AATF: variants seen among roughly 807,000 people sequenced by gnomAD.
AATF encodes the protein apoptosis antagonizing transcription factor, also known as protein AATF.
Under a neutral mutation model 63.7 loss-of-function variants are expected in AATF, and 48 were observed. That is an observed-to-expected ratio of 0.75 (90% CI 0.60 to 0.96). The LOEUF is 0.96. AATF is among the 40% of genes least tolerant of loss of function. The pLI is 0.00. For synonymous variants in AATF, 258 were observed against 247.7 expected, an observed-to-expected ratio of 1.04 and a Z score of -0.39; for missense variants, 639 against 685.7, an observed-to-expected ratio of 0.93 and a Z score of 0.76.
intron 5 of AATF, among the ~76,000 whole-genome samples, chr17:36,987,654 C>A (rs895210583): frequency 6.6e-6 from 1 of 152,182 alleles, no homozygotes; most frequent in African/African-American, 2.4e-5. Context: ...GTGCAACTGG[C>A]AGATAGTTGG....
At chr17:36,951,055 T>C (rs1348666704) in intron 2 of AATF, among the ~76,000 whole-genome samples, 2 of 152,240 alleles carry the variant, frequency 1.3e-5, no homozygotes, top group Admixed American at 6.5e-5. Context: ...CACATAATCC[T>C]TCTCTTCCCT....
At chr17:36,981,451 T>TC (rs2071122921) in intron 4 of AATF, among the ~76,000 whole-genome samples, 1 of 147,822 alleles carries the variant, frequency 6.8e-6, no homozygotes, top group African/African-American at 2.5e-5. Flanking sequence ...TTTTCTTTCT[T>TC]TTTTTTTTTT....
chr17:36,992,662 A>G (rs1308493156), intron 8 of AATF, among the ~76,000 whole-genome samples: 2 of 148,982 alleles, frequency 1.3e-5, no homozygotes, highest in Non-Finnish European at 3.0e-5. Context: ...AAGAAATAGC[A>G]TTACTTGATT....
intron 11 of AATF, among the ~76,000 whole-genome samples, chr17:37,053,797 C>T (rs1019576649): frequency 3.3e-5 from 5 of 152,004 alleles, no homozygotes; most frequent in African/African-American, 1.2e-4. Flanking sequence ...ACCCGGGAGG[C>T]GGAGGTTGCA....
In AATF at chr17:36,973,938, G is replaced by A. The variant is rs968791907; in HGVS notation, c.833-12679G>A. On this transcript the variant is annotated intron_variant, in intron 4 of 11. Transcript: ENST00000619387. ...ATACAGAAATTAGCTGGGCGTGGTGGCATACGCCTGTAATCCCTGCCTCGG... is the reference window on the plus strand; with the variant it reads ...ATACAGAAATTAGCTGGGCGTGGTGACATACGCCTGTAATCCCTGCCTCGG... Among the ~76,000 whole-genome samples, 73 of 152,108 alleles carry A rather than the reference G, an allele frequency of 4.8e-4. 2 individuals carry two copies. The highest frequency in any genetic ancestry group is 1.2e-4 in the Non-Finnish European group (8 of 68,022).
At chr17:37,017,232 A>C (rs1221040508) in intron 8 of AATF, among the ~76,000 whole-genome samples, 1 of 152,206 alleles carries the variant, frequency 6.6e-6, no homozygotes, top group Non-Finnish European at 1.5e-5. Context: ...CGGTTGTTGT[A>C]ATCTTTTGTA....
intron 8 of AATF, among the ~76,000 whole-genome samples, chr17:37,001,852 A>C (rs548544387): frequency 3.7e-4 from 57 of 152,220 alleles, no homozygotes; most frequent in Non-Finnish European, 7.3e-4. Context: ...AAGACATCCA[A>C]ATTGGAAAGG....
intron 10 of AATF, among the ~76,000 whole-genome samples, chr17:37,030,847 C>T (rs1346136559): frequency 2.6e-5 from 4 of 152,026 alleles, no homozygotes; most frequent in Non-Finnish European, 5.9e-5. Context: ...TGTGCTGCTG[C>T]CAGTAGATGG....
chr17:37,025,382 G>GTACGGTGTGACAAGAA (rs1333962438), intron 10 of AATF, among the ~76,000 whole-genome samples: 1 of 152,132 alleles, frequency 6.6e-6, no homozygotes, highest in Admixed American at 6.6e-5. Context: ...CCCAGGGAGG[G>GTACGGTGTGACAAGAA]TACGGTGTGA....
In AATF at chr17:36,988,635, G is replaced by A. The variant is rs142695431; in HGVS notation, c.1064G>A (p.Arg355His). The A allele has an allele frequency of 1.9e-5, 31 of 1,614,048 alleles. No individual in the cohort carries two copies. The highest frequency in any genetic ancestry group is 2.2e-5 in the East Asian group (1 of 44,894). The change falls in exon 6 of 12, where the codon CGC becomes CAC. Residue 355 changes from arginine (R) to histidine (H), a missense_variant. Physicochemically the swap from Arg to His is conservative, Grantham distance 29. Coordinates refer to ENST00000619387, the MANE Select transcript of AATF (RefSeq NM_012138.4). ...GACTATCCCAGCTTCATGGCAAAGC[G>A]CTTTGCCGACTTTACAGTCTACAGG... ...MEDYPSFMAK[R>H]FADFTVYRNR...
chr17:36,951,111 A>G (rs1266017625), intron 2 of AATF, among the ~76,000 whole-genome samples: 3 of 152,240 alleles, frequency 2.0e-5, no homozygotes, highest in Admixed American at 6.5e-5. Flanking sequence ...AAAGAATTGT[A>G]AATTTCTCAG....
intron 8 of AATF, among the ~76,000 whole-genome samples, chr17:37,010,155 C>A (rs2071379155): frequency 1.3e-5 from 2 of 152,062 alleles, no homozygotes; most frequent in Non-Finnish European, 2.9e-5. Context: ...TATTTTCTCT[C>A]AGAAATAATT....
chr17:37,054,766 T>G (rs1207368564), intron 11 of AATF: 1 of 152,240 alleles, frequency 6.6e-6, no homozygotes, highest in Non-Finnish European at 1.5e-5. Context: ...AAGGGTATGA[T>G]GTGAAGGGCT....
At chr17:37,036,020 C>G (rs1318190400) in intron 11 of AATF, among the ~76,000 whole-genome samples, 1 of 152,068 alleles carries the variant, frequency 6.6e-6, no homozygotes, top group Non-Finnish European at 1.5e-5. Context: ...AATTCCTGGG[C>G]TCAGGCCATC....
intron 10 of AATF, among the ~76,000 whole-genome samples, chr17:37,026,958 C>G (rs2071515333): frequency 6.6e-6 from 1 of 152,088 alleles, no homozygotes; most frequent in Non-Finnish European, 1.5e-5. Flanking sequence ...TAGGTCCCAC[C>G]ATTGAGCAAT....
At position 36,995,644 on chromosome 17, in the gene AATF, T is replaced by C. The variant is rs1411780473; in HGVS notation, c.1398+4787T>C. Reference sequence around the variant, plus strand: ...GTGCAGTGGTGCGATCTCAGCTCACTGTGACCTCGACCTCCTGGGCTCAAG... The same window carrying C: ...GTGCAGTGGTGCGATCTCAGCTCACCGTGACCTCGACCTCCTGGGCTCAAG... On this transcript the variant is annotated intron_variant, in intron 8 of 11. Coordinates refer to ENST00000619387, the MANE Select transcript of AATF (RefSeq NM_012138.4). Among the ~76,000 whole-genome samples, 25 of 152,168 alleles carry C rather than the reference T, an allele frequency of 1.6e-4. 1 individual carries two copies. Among genetic ancestry groups the C allele is most frequent in the Admixed American group, 1.6e-3 (25 of 15,270 alleles).
chr17:36,995,249 T>C (rs2071245728), intron 8 of AATF, among the ~76,000 whole-genome samples: 1 of 152,212 alleles, frequency 6.6e-6, no homozygotes, highest in South Asian at 2.1e-4. Context: ...TCTTCTTTCA[T>C]TTGCCATCAG....
chr17:36,950,456 G>T (rs761100274), intron 2 of AATF, 51 bp downstream of exon 2: 218 of 1,547,170 alleles, frequency 1.4e-4, no homozygotes, highest in Admixed American at 2.3e-4. Context: ...TTTTTTCAGG[G>T]TTAAAATCCT....
Position 36,953,073 on chromosome 17 carries a change from T to C in AATF, c.471T>C (p.Phe157=), listed in dbSNP as rs116840544. 51 of 1,613,968 alleles carry C rather than the reference T, an allele frequency of 3.2e-5. No individual in the cohort carries two copies. The East Asian group carries it at 5.3e-4, about 17-fold the overall frequency. Residue 157 remains phenylalanine, a synonymous_variant, in exon 3 of 12, where the codon TTT becomes TTC. Coordinates refer to ENST00000619387, the MANE Select transcript of AATF (RefSeq NM_012138.4). The part of the protein sequence containing the change: ...PGFSVQSISD[F]EKFTKGMDDL... ...TCAGTGTCCAGAGTATCAGTGACTT[T>C]GAGAAATTTACCAAGGGAATGGATG... is the stretch of plus-strand genomic sequence containing the variant.
Sources: allele counts gnomAD v4.1 joint callset (sites outside exome capture counted in the v4.1 genomes callset), GRCh38; gene constraint gnomAD v4.1.1; transcripts MANE v1.5; gene names NCBI Gene and HGNC (gene_info 2026-07-23, HGNC 2026-07-21).